Variants in TNR observed in about 807,000 individuals in gnomAD.
TNR encodes the protein tenascin R.
In TNR, 45 loss-of-function variants were observed where a neutral mutation model predicts 150.4. The ratio of observed to expected loss-of-function variants is 0.30; its 90% CI spans 0.24 to 0.38. The LOEUF (loss-of-function observed/expected upper bound fraction) is 0.38, where lower values mean the gene tolerates loss of function less well. Among genes scored for constraint, TNR ranks in the 10% least tolerant of loss-of-function variants. The probability of loss-of-function intolerance (pLI) is 1.00; values close to 1 mark genes in which losing one functional copy is unlikely to be tolerated. For missense variants in TNR, 1,544 were observed against 1,759.1 expected (o/e 0.88, Z 2.19); for synonymous variants, 687 against 678.4 (o/e 1.01, Z -0.20).
chr1:175,549,049 GT>G (rs1660831580), intron 1 of TNR, among the ~76,000 whole-genome samples: 1 of 152,120 alleles, frequency 6.6e-6, no homozygotes, highest in African/African-American at 2.4e-5. Context: ...ATCCATACAC[GT>G]GCCAGGAGCA....
intron 2 of TNR, among the ~76,000 whole-genome samples, chr1:175,448,043 A>C (rs1571453955): frequency 6.6e-6 from 1 of 152,054 alleles, no homozygotes; most frequent in African/African-American, 2.4e-5. Flanking sequence ...TTCCGGATTC[A>C]CTGTCCCCAG....
At chr1:175,356,489 G>A in intron 15 of TNR, 27 bp from the exon 16 acceptor site, 1 of 1,612,918 alleles carries the variant, frequency 6.2e-7, no homozygotes, top group Non-Finnish European at 8.5e-7. Context: ...ATGAATAAGG[G>A]TTGAATAAGG....
At chr1:175,636,553 G>C (rs561785159) in intron 1 of TNR, among the ~76,000 whole-genome samples, 13 of 152,134 alleles carry the variant, frequency 8.5e-5, no homozygotes, top group Non-Finnish European at 1.6e-4. Context: ...GTAGACTAAA[G>C]ATCTTCCCCA....
chr1:175,426,819 A>AATATATATAAAATATATT (rs1478649144), intron 2 of TNR, among the ~76,000 whole-genome samples: 1 of 119,302 alleles, frequency 8.4e-6, no homozygotes, highest in Non-Finnish European at 1.7e-5. Flanking sequence ...ATAAAATATA[A>AATATATATAAAATATATT]ATATATATAA....
Position 175,528,354 on chromosome 1 carries a change from A to C in TNR, c.-149T>G, listed in dbSNP as rs2102176737. 6.6e-6 allele frequency: 1 copy of C among 152,362 alleles called. No homozygotes were observed. Among genetic ancestry groups the C allele is most frequent in the South Asian group, 2.1e-4 (1 of 4,830 alleles). 9.4% of individuals were successfully genotyped at this position (152,362 alleles called of 1,614,324 possible). A position where few individuals can be genotyped will look rare whatever the true frequency, so the allele number is the denominator to read the frequency against. On this transcript the variant is annotated 5_prime_UTR_variant, in exon 2 of 23. Transcript: ENST00000367674. ...AAAGAGACCTGCCCTCTATGCAGTT[A>C]AAACGATACAGCCACCTGAAACAGA...
intron 18 of TNR, among the ~76,000 whole-genome samples, chr1:175,344,427 T>C (rs1650675663): frequency 6.6e-6 from 1 of 152,184 alleles, no homozygotes; most frequent in African/African-American, 2.4e-5. Flanking sequence ...TGATCCAGCT[T>C]TGGGAAGTCA....
chr1:175,598,862 A>C (rs1663116297), intron 1 of TNR, among the ~76,000 whole-genome samples: 1 of 152,126 alleles, frequency 6.6e-6, no homozygotes, highest in East Asian at 1.9e-4. Flanking sequence ...CTAGAATCTC[A>C]AGTTCCCCAA....
intron 1 of TNR, among the ~76,000 whole-genome samples, chr1:175,549,874 T>C (rs751162919): frequency 6.6e-6 from 1 of 152,172 alleles, no homozygotes; most frequent in Admixed American, 6.5e-5. Context: ...AACACCATGA[T>C]CCCAGTCTGA....
chr1:175,535,158 G>A (rs1026295534), intron 1 of TNR, among the ~76,000 whole-genome samples: 11 of 152,286 alleles, frequency 7.2e-5, no homozygotes, highest in Admixed American at 5.9e-4. Flanking sequence ...CAGAAAGGGG[G>A]CTGCATGTAG....
At position 175,316,211 on chromosome 1, in the gene TNR, C is replaced by A. The variant is rs1247461979; in HGVS notation, c.*7146G>T. 6.6e-6 allele frequency: 1 copy of A among 152,212 alleles called. No individual in the cohort carries two copies. The highest frequency in any genetic ancestry group is 1.9e-4 in the East Asian group (1 of 5,192). 9.4% of individuals were successfully genotyped at this position (152,212 alleles called of 1,614,324 possible). A position where few individuals can be genotyped will look rare whatever the true frequency, so the allele number is the denominator to read the frequency against. On this transcript the variant is annotated 3_prime_UTR_variant, in exon 23 of 23. Coordinates refer to ENST00000367674, the MANE Select transcript of TNR (RefSeq NM_003285.3). ...TTTCCTTCTAAATTCCCCAAAGTAGCAGAGAAAGCTGATATTGTAGCCAAC... is the reference window on the plus strand; with the variant it reads ...TTTCCTTCTAAATTCCCCAAAGTAGAAGAGAAAGCTGATATTGTAGCCAAC...
intron 1 of TNR, among the ~76,000 whole-genome samples, chr1:175,531,962 G>A (rs996391173): frequency 6.6e-6 from 1 of 152,202 alleles, no homozygotes; most frequent in Non-Finnish European, 1.5e-5. Flanking sequence ...CTCAATCACA[G>A]ATTTTTCTCC....
chr1:175,435,224 A>C (rs766538693), intron 2 of TNR, among the ~76,000 whole-genome samples: 3 of 152,212 alleles, frequency 2.0e-5, no homozygotes, highest in Non-Finnish European at 2.9e-5. Flanking sequence ...TGAGACATGA[A>C]GGTGGCTTGA....
At chr1:175,504,118 G>C (rs1392373068) in intron 2 of TNR, among the ~76,000 whole-genome samples, 1 of 152,142 alleles carries the variant, frequency 6.6e-6, no homozygotes, top group Non-Finnish European at 1.5e-5. Context: ...GAAGGAACTG[G>C]TCTTTGAAGG....
At chr1:175,359,862 A>AGGGAAGAGGTTT in intron 14 of TNR, 131 bp from the exon 15 acceptor site, 2 of 1,174,368 alleles carry the variant, frequency 1.7e-6, no homozygotes, top group Non-Finnish European at 2.3e-6. Flanking sequence ...GTGAGCAGAA[A>AGGGAAGAGGTTT]CCTCTTCCCT....
chr1:175,607,727 G>A (rs1487299690), intron 1 of TNR, among the ~76,000 whole-genome samples: 2 of 152,230 alleles, frequency 1.3e-5, no homozygotes, highest in Non-Finnish European at 2.9e-5. Flanking sequence ...CAGTGATGGA[G>A]TTAAGCTCAA....
intron 1 of TNR, among the ~76,000 whole-genome samples, chr1:175,613,742 A>T (rs1663674949): frequency 6.6e-6 from 1 of 152,174 alleles, no homozygotes; most frequent in Admixed American, 6.5e-5. Flanking sequence ...TTCTTCAGGA[A>T]AACACTGTCA....
At chr1:175,726,899 G>T (rs2101949601) in intron 1 of TNR, among the ~76,000 whole-genome samples, 1 of 152,296 alleles carries the variant, frequency 6.6e-6, no homozygotes, top group Non-Finnish European at 1.5e-5. Flanking sequence ...CAACAAAGAG[G>T]TGGAAGTGGG....
chr1:175,519,742 G>T (rs190003948), intron 2 of TNR, among the ~76,000 whole-genome samples: 91 of 152,304 alleles, frequency 6.0e-4, no homozygotes, highest in Non-Finnish European at 1.2e-3. Context: ...AGGAATAGTG[G>T]TCTCTTTGCC....
intron 1 of TNR, among the ~76,000 whole-genome samples, chr1:175,593,948 G>T (rs933615620): frequency 3.3e-5 from 5 of 152,108 alleles, no homozygotes; most frequent in African/African-American, 7.2e-5. Context: ...TTATTTCTGT[G>T]GTCATTATTC....
Sources: allele counts gnomAD v4.1 joint callset (sites outside exome capture counted in the v4.1 genomes callset), GRCh38; gene constraint gnomAD v4.1.1; transcripts MANE v1.5; gene names NCBI Gene and HGNC (gene_info 2026-07-23, HGNC 2026-07-21).